JPH1: variants seen among roughly 807,000 people sequenced by gnomAD.
JPH1 encodes the protein junctophilin-1.
JPH1 carries 12 observed loss-of-function variants against 53.6 expected under a neutral mutation model. That is an observed-to-expected ratio of 0.22 (90% confidence interval 0.14 to 0.36). The LOEUF (loss-of-function observed/expected upper bound fraction) is 0.36. Ranked by LOEUF, JPH1 falls within the 10% of genes least tolerant of loss-of-function variation. The pLI is 1.00. For synonymous variants in JPH1, 375 were observed against 363.8 expected, an observed-to-expected ratio of 1.03 and a Z score of -0.35; for missense variants, 808 against 905.5, an observed-to-expected ratio of 0.89 and a Z score of 1.38.
At chr8:74,252,979 TCAA>T (rs879414596) in intron 3 of JPH1, among the ~76,000 whole-genome samples, 6 of 151,996 alleles carry the variant, frequency 3.9e-5, no homozygotes, top group Non-Finnish European at 7.3e-5. Flanking sequence ...ATTAGACAGA[TCAA>T]CGAGACAGAA....
chr8:74,260,333 A>T (rs1806354724), intron 2 of JPH1, among the ~76,000 whole-genome samples: 1 of 152,162 alleles, frequency 6.6e-6, no homozygotes, highest in Middle Eastern at 3.2e-3. Context: ...AAGTGGCAGG[A>T]AAAAGAATAG....
At chr8:74,242,492 A>T (rs973664522) in intron 4 of JPH1, among the ~76,000 whole-genome samples, 2 of 152,226 alleles carry the variant, frequency 1.3e-5, no homozygotes, top group African/African-American at 4.8e-5. Context: ...ACAGAGTTCA[A>T]TTCTGTGAAT....
chr8:74,293,019 G>T (rs796138667), intron 2 of JPH1, among the ~76,000 whole-genome samples: 2 of 152,190 alleles, frequency 1.3e-5, no homozygotes, highest in African/African-American at 4.8e-5. Flanking sequence ...CTTTGGGAAC[G>T]TCAAACAGAG....
intron 2 of JPH1, among the ~76,000 whole-genome samples, chr8:74,309,139 GC>G (rs1289971505): frequency 2.6e-5 from 4 of 152,242 alleles, no homozygotes; most frequent in African/African-American, 9.6e-5. Flanking sequence ...GGAGAGGTTG[GC>G]AAAAGGAGCA....
At chr8:74,253,755 C>T (rs910139382) in intron 3 of JPH1, among the ~76,000 whole-genome samples, 1 of 152,070 alleles carries the variant, frequency 6.6e-6, no homozygotes, top group African/African-American at 2.4e-5. Context: ...TCAGAGAATA[C>T]TATAAACACC....
intron 4 of JPH1, among the ~76,000 whole-genome samples, chr8:74,240,470 C>G (rs1258259389): frequency 6.6e-6 from 1 of 152,002 alleles, no homozygotes; most frequent in African/African-American, 2.4e-5. Flanking sequence ...AGTGTGATCG[C>G]TTTAATTTTT....
chr8:74,312,758 T>C (rs749554256), intron 2 of JPH1, among the ~76,000 whole-genome samples: 3 of 152,216 alleles, frequency 2.0e-5, no homozygotes, highest in South Asian at 2.1e-4. Context: ...AGTCAGGTCA[T>C]TGCAGTATTT....
chr8:74,248,711 G>T (rs1279809733), intron 3 of JPH1, among the ~76,000 whole-genome samples: 1 of 152,162 alleles, frequency 6.6e-6, no homozygotes, highest in Non-Finnish European at 1.5e-5. Flanking sequence ...AAAACAAGAC[G>T]TTTAATATAA....
chr8:74,238,653 G>A lies in JPH1; in HGVS notation c.1906-1350C>T, dbSNP rs561435333. On this transcript the variant is annotated intron_variant, in intron 4 of 5. Coordinates refer to ENST00000342232, the MANE Select transcript of JPH1 (RefSeq NM_020647.4). Reference sequence around the variant, plus strand: ...ATCTTCCAGCACATTTCCAAGTGCCGTGGATGTGGGTTGTTTTGTTTTGAG... The same window carrying A: ...ATCTTCCAGCACATTTCCAAGTGCCATGGATGTGGGTTGTTTTGTTTTGAG... Among the ~76,000 whole-genome samples, 63 of 152,204 alleles carry A rather than the reference G, an allele frequency of 4.1e-4. No homozygotes were observed. The South Asian group carries it at 0.012, about 29-fold the overall frequency.
At chr8:74,317,640 T>G (rs1215426927) in intron 1 of JPH1, among the ~76,000 whole-genome samples, 1 of 152,186 alleles carries the variant, frequency 6.6e-6, no homozygotes, top group Non-Finnish European at 1.5e-5. Context: ...TTTTGTTGGT[T>G]AAAAGAATGC....
At chr8:74,275,661 T>C (rs1300712124) in intron 2 of JPH1, among the ~76,000 whole-genome samples, 1 of 152,214 alleles carries the variant, frequency 6.6e-6, no homozygotes, top group African/African-American at 2.4e-5. Flanking sequence ...AGGTTGTGTA[T>C]TCACTAATCT....
chr8:74,244,777 A>G lies in JPH1; in HGVS notation c.1657T>C (p.Tyr553His). The G allele has an allele frequency of 6.2e-7, 1 of 1,614,180 alleles. No individual in the cohort carries two copies. Among genetic ancestry groups the G allele is most frequent in the Non-Finnish European group, 8.5e-7 (1 of 1,180,034 alleles). ...TGGGGGGCGTTCAGCTTCACGTAGT[A>G]GCCGTGATACTGAGAATGCAGCTCC... ...NGELHSQYHG[Y>H]YVKLNAPQHP... Residue 553 changes from tyrosine to histidine, a missense_variant, in exon 4 of 6, where the codon TAC (tyrosine) becomes CAC (histidine). Transcript: ENST00000342232.
chr8:74,266,624 A>G (rs1357512426), intron 2 of JPH1, among the ~76,000 whole-genome samples: 1 of 152,216 alleles, frequency 6.6e-6, no homozygotes, highest in Non-Finnish European at 1.5e-5. Context: ...GTTGCACAGC[A>G]ATGTGGGTCT....
chr8:74,253,170 A>C (rs1428786630), intron 3 of JPH1, among the ~76,000 whole-genome samples: 8 of 152,166 alleles, frequency 5.3e-5, no homozygotes, highest in Admixed American at 3.3e-4. Context: ...AATGTAAAAG[A>C]ACAGAAATTA....
intron 2 of JPH1, among the ~76,000 whole-genome samples, chr8:74,271,829 C>T (rs1282492465): frequency 1.3e-5 from 2 of 152,138 alleles, no homozygotes; most frequent in Non-Finnish European, 2.9e-5. Flanking sequence ...CAAGGAGGGG[C>T]CTGTGGGGTC....
At chr8:74,292,734 A>G (rs2131434919) in intron 2 of JPH1, among the ~76,000 whole-genome samples, 1 of 152,306 alleles carries the variant, frequency 6.6e-6, no homozygotes, top group Non-Finnish European at 1.5e-5. Flanking sequence ...AATTCTGGCT[A>G]TTTCTTCTGA....
chr8:74,235,293 CA>C lies in JPH1; in HGVS notation c.*1757del, dbSNP rs1330210067. ...AAGCAAAATGTAAAAAATGAATATA[CA>C]AGTTGAAATTTTTCATTTGCTCTCT... On this transcript the variant is annotated 3_prime_UTR_variant, in exon 6 of 6. Coordinates refer to ENST00000342232, the MANE Select transcript of JPH1 (RefSeq NM_020647.4). 6.6e-6 allele frequency: 1 copy of C among 152,484 alleles called. No homozygotes were observed. The highest frequency in any genetic ancestry group is 2.4e-5 in the African/African-American group (1 of 41,416). The allele number at this position is 152,484 out of a possible 1,614,324, so 9.4% of individuals were successfully genotyped here. A position where few individuals can be genotyped will look rare whatever the true frequency, so the allele number is the denominator to read the frequency against.
chr8:74,256,313 G>A (rs565049453), intron 3 of JPH1, among the ~76,000 whole-genome samples: 6 of 148,316 alleles, frequency 4.0e-5, no homozygotes, highest in Non-Finnish European at 5.9e-5. Context: ...AACACCGCAT[G>A]TTCTCACTCA....
At chr8:74,296,418 G>T (rs1019487081) in intron 2 of JPH1, among the ~76,000 whole-genome samples, 1 of 151,962 alleles carries the variant, frequency 6.6e-6, no homozygotes, top group Non-Finnish European at 1.5e-5. Flanking sequence ...CTTAACTATT[G>T]GGAAAAATAT....
Sources: allele counts gnomAD v4.1 joint callset (sites outside exome capture counted in the v4.1 genomes callset), GRCh38; gene constraint gnomAD v4.1.1; transcripts MANE v1.5; gene names NCBI Gene and HGNC (gene_info 2026-07-23, HGNC 2026-07-21).